Variants in CADM2 observed in about 807,000 individuals in gnomAD.
CADM2 encodes cell adhesion molecule 2.
A neutral mutation model predicts 49.8 loss-of-function variants in CADM2; 12 were observed. The ratio of observed to expected loss-of-function variants is 0.24; its 90% CI spans 0.15 to 0.39. CADM2 has a LOEUF of 0.39. CADM2 is among the 10% of genes least tolerant of loss of function. The pLI is 1.00. For synonymous variants in CADM2, 214 were observed against 175.4 expected (o/e 1.22, Z -1.74); for missense variants, 378 against 492.3 (o/e 0.77, Z 2.20).
chr3:85,557,184 T>A (rs554640357), intron 1 of CADM2, among the ~76,000 whole-genome samples: 1 of 152,090 alleles, frequency 6.6e-6, no homozygotes, highest in Non-Finnish European at 1.5e-5. Flanking sequence ...TAAATAAAAA[T>A]AAGTATAAAC....
chr3:85,054,950 C>T (rs1288961942), intron 1 of CADM2, among the ~76,000 whole-genome samples: 2 of 151,778 alleles, frequency 1.3e-5, no homozygotes, highest in Non-Finnish European at 2.9e-5. Flanking sequence ...ATTATGACTA[C>T]CACAGCATGC....
chr3:85,416,168 C>T (rs1233674888), intron 1 of CADM2, among the ~76,000 whole-genome samples: 39 of 152,022 alleles, frequency 2.6e-4, no homozygotes, highest in Non-Finnish European at 4.4e-5. Flanking sequence ...GAATAAAGCT[C>T]AGTTGTTTAA....
intron 3 of CADM2, among the ~76,000 whole-genome samples, chr3:85,871,279 T>C (rs984877297): frequency 1.3e-5 from 2 of 152,158 alleles, no homozygotes; most frequent in African/African-American, 4.8e-5. Context: ...TATTGAAAAA[T>C]GCTCAACATC....
intron 7 of CADM2, among the ~76,000 whole-genome samples, chr3:85,950,640 A>G (rs1577752029): frequency 6.6e-6 from 1 of 151,128 alleles, no homozygotes; most frequent in East Asian, 2.0e-4. Context: ...TCCTGTTTCA[A>G]CCACAAGCTT....
intron 2 of CADM2, among the ~76,000 whole-genome samples, chr3:85,798,956 G>T (rs1015274709): frequency 2.0e-5 from 3 of 152,014 alleles, no homozygotes; most frequent in Non-Finnish European, 2.9e-5. Context: ...TTGAGCAGTG[G>T]TTTGTAGTTC....
At position 85,977,486 on chromosome 3, in the gene CADM2, T is replaced by C. The variant is rs185883537; in HGVS notation, c.970+15839T>C. On this transcript the variant is annotated intron_variant, in intron 8 of 9. Transcript: ENST00000383699. Reference sequence around the variant, plus strand: ...TGAGATCCTAATCAGCAAATAATTTTGCTAACAAGGTATTATTTTCTATTT... The same window carrying C: ...TGAGATCCTAATCAGCAAATAATTTCGCTAACAAGGTATTATTTTCTATTT... Among the ~76,000 whole-genome samples the C allele has an allele frequency of 1.8e-3, 266 of 151,714 alleles. 1 individual carries two copies. Among genetic ancestry groups the C allele is most frequent in the African/African-American group, 6.0e-3 (250 of 41,490 alleles).
chr3:85,539,223 C>T (rs912335488), intron 1 of CADM2, among the ~76,000 whole-genome samples: 8 of 145,862 alleles, frequency 5.5e-5, no homozygotes, highest in African/African-American at 1.7e-4. Flanking sequence ...TAGACTGACA[C>T]ATAAGGCTGT....
At chr3:85,563,909 G>A (rs1216508824) in intron 1 of CADM2, among the ~76,000 whole-genome samples, 1 of 152,080 alleles carries the variant, frequency 6.6e-6, no homozygotes. Flanking sequence ...ATCTTAAATA[G>A]ATCATAGCTA....
At chr3:85,455,157 C>T (rs2037934433) in intron 1 of CADM2, among the ~76,000 whole-genome samples, 1 of 152,096 alleles carries the variant, frequency 6.6e-6, no homozygotes, top group African/African-American at 2.4e-5. Context: ...GATAATCTAC[C>T]TCATTAAATT....
At chr3:85,820,072 C>T (rs1271695530) in intron 3 of CADM2, among the ~76,000 whole-genome samples, 2 of 151,910 alleles carry the variant, frequency 1.3e-5, no homozygotes, top group Non-Finnish European at 2.9e-5. Flanking sequence ...GATAGTGAGC[C>T]AAGCAGAGAA....
At chr3:85,637,526 C>T (rs796406683) in intron 1 of CADM2, among the ~76,000 whole-genome samples, 95 of 147,964 alleles carry the variant, frequency 6.4e-4, no homozygotes, top group African/African-American at 2.3e-3. Flanking sequence ...GGCGTGAACC[C>T]GGGAAGCGGA....
intron 1 of CADM2, among the ~76,000 whole-genome samples, chr3:85,191,024 T>C (rs2041195213): frequency 6.6e-6 from 1 of 152,072 alleles, no homozygotes; most frequent in African/African-American, 2.4e-5. Context: ...AAGGAATGGG[T>C]GTAGTTCATT....
intron 1 of CADM2, among the ~76,000 whole-genome samples, chr3:85,201,526 T>C (rs2041499779): frequency 6.6e-6 from 1 of 152,190 alleles, no homozygotes; most frequent in Non-Finnish European, 1.5e-5. Context: ...CTTAAAATAA[T>C]GCAATGATGA....
At chr3:85,371,379 G>A (rs2033212941) in intron 1 of CADM2, among the ~76,000 whole-genome samples, 2 of 151,830 alleles carry the variant, frequency 1.3e-5, no homozygotes, top group Admixed American at 6.6e-5. Flanking sequence ...GTTTACATAT[G>A]TTTAGATACA....
At chr3:85,157,167 G>C (rs1399004525) in intron 1 of CADM2, among the ~76,000 whole-genome samples, 9 of 152,172 alleles carry the variant, frequency 5.9e-5, no homozygotes, top group South Asian at 2.1e-4. Flanking sequence ...GAACTACAAA[G>C]CACTGCTCAA....
chr3:85,405,693 G>A (rs1371957763), intron 1 of CADM2, among the ~76,000 whole-genome samples: 1 of 151,894 alleles, frequency 6.6e-6, no homozygotes, highest in Non-Finnish European at 1.5e-5. Flanking sequence ...TTTCTTAAAA[G>A]CTCCTAGTTT....
intron 8 of CADM2, among the ~76,000 whole-genome samples, chr3:86,020,637 C>T (rs1338604393): frequency 6.6e-6 from 1 of 152,014 alleles, no homozygotes; most frequent in Non-Finnish European, 1.5e-5. Context: ...AGCTTATCCA[C>T]CATTATCAAG....
chr3:85,749,652 T>G (rs1232988821), intron 2 of CADM2, among the ~76,000 whole-genome samples: 1 of 152,062 alleles, frequency 6.6e-6, no homozygotes, highest in African/African-American at 2.4e-5. Context: ...ATTTGTGTTG[T>G]GTGACTGTGC....
intron 1 of CADM2, among the ~76,000 whole-genome samples, chr3:85,011,628 A>G (rs2033997118): frequency 6.6e-6 from 1 of 152,216 alleles, no homozygotes; most frequent in Admixed American, 6.5e-5. Context: ...TATCAAAAGA[A>G]GAGGGAATTT....
Sources: allele counts gnomAD v4.1 joint callset (sites outside exome capture counted in the v4.1 genomes callset), GRCh38; gene constraint gnomAD v4.1.1; transcripts MANE v1.5; gene names NCBI Gene and HGNC (gene_info 2026-07-23, HGNC 2026-07-21).